The following TMEM132D variants were observed in gnomAD, a reference collection of about 807,000 sequenced individuals.
TMEM132D encodes transmembrane protein 132D.
TMEM132D carries 21 observed loss-of-function variants against 62.3 expected under a neutral mutation model. The observed-to-expected ratio is 0.34, with a 90% CI of 0.24 to 0.49. The LOEUF is 0.49. Among genes scored for constraint, TMEM132D ranks in the 20% least tolerant of loss-of-function variants. The probability of loss-of-function intolerance (pLI) is 0.99; values close to 1 mark genes in which losing one functional copy is unlikely to be tolerated. For synonymous variants in TMEM132D, 621 were observed against 575.6 expected (o/e 1.08, Z -1.13); for missense variants, 1,346 against 1,402.8 (o/e 0.96, Z 0.65).
At chr12:129,546,600 G>T (rs1475355176) in intron 2 of TMEM132D, among the ~76,000 whole-genome samples, 1 of 152,020 alleles carries the variant, frequency 6.6e-6, no homozygotes, top group Non-Finnish European at 1.5e-5. Context: ...AGGAGTTCGA[G>T]ACCAGCCTGA....
intron 2 of TMEM132D, among the ~76,000 whole-genome samples, chr12:129,562,537 C>T (rs1877264380): frequency 1.3e-5 from 2 of 152,194 alleles, no homozygotes; most frequent in African/African-American, 4.8e-5. Context: ...TATCTGTACT[C>T]TTACAGAAGG....
chr12:129,213,649 T>C (rs879127484), intron 4 of TMEM132D, among the ~76,000 whole-genome samples: 2 of 152,192 alleles, frequency 1.3e-5, no homozygotes, highest in African/African-American at 4.8e-5. Context: ...GGAGCAGGCA[T>C]GTGCAGAGAT....
intron 5 of TMEM132D, among the ~76,000 whole-genome samples, chr12:129,190,090 C>T (rs1305827259): frequency 1.8e-5 from 2 of 110,492 alleles, no homozygotes; most frequent in African/African-American, 6.4e-5. Context: ...GGAAGGGAGT[C>T]TCAGGCTTGC....
intron 4 of TMEM132D, among the ~76,000 whole-genome samples, chr12:129,305,551 A>G (rs919397110): frequency 2.0e-5 from 3 of 152,244 alleles, no homozygotes; most frequent in Non-Finnish European, 2.9e-5. Flanking sequence ...CCTGTTATAA[A>G]GCCATCCAAA....
intron 2 of TMEM132D, among the ~76,000 whole-genome samples, chr12:129,681,131 G>T (rs1327847575): frequency 2.0e-5 from 3 of 152,182 alleles, no homozygotes; most frequent in Non-Finnish European, 4.4e-5. Context: ...GTAGAAAATA[G>T]ATTGAAGACA....
At chr12:129,158,916 G>A (rs796651898) in intron 5 of TMEM132D, among the ~76,000 whole-genome samples, 43 of 152,284 alleles carry the variant, frequency 2.8e-4, no homozygotes, top group African/African-American at 9.9e-4. Flanking sequence ...TCACAAGGTG[G>A]CAGGAGAGAG....
intron 1 of TMEM132D, among the ~76,000 whole-genome samples, chr12:129,733,380 A>T (rs1231691454): frequency 6.6e-6 from 1 of 152,134 alleles, no homozygotes; most frequent in African/African-American, 2.4e-5. Flanking sequence ...TAGTTTTCAG[A>T]GCCTGATCGC....
chr12:129,399,022 T>C (rs1048620025), intron 3 of TMEM132D, among the ~76,000 whole-genome samples: 4 of 152,162 alleles, frequency 2.6e-5, no homozygotes, highest in Non-Finnish European at 4.4e-5. Flanking sequence ...GGGACCTTCT[T>C]GCTGCATCAT....
At chr12:129,159,431 C>G (rs1270312468) in intron 5 of TMEM132D, among the ~76,000 whole-genome samples, 1 of 151,958 alleles carries the variant, frequency 6.6e-6, no homozygotes, top group Non-Finnish European at 1.5e-5. Context: ...AAGAAACACA[C>G]GAAGAGAGAT....
At chr12:129,612,343 G>A (rs1167443279) in intron 2 of TMEM132D, among the ~76,000 whole-genome samples, 1 of 152,130 alleles carries the variant, frequency 6.6e-6, no homozygotes, top group Non-Finnish European at 1.5e-5. Flanking sequence ...GGGTGTAGAG[G>A]AAGAAGGAAC....
At chr12:129,336,130 C>A (rs1460683239) in intron 4 of TMEM132D, among the ~76,000 whole-genome samples, 3 of 152,216 alleles carry the variant, frequency 2.0e-5, no homozygotes, top group Admixed American at 2.0e-4. Context: ...AAGAAGAAAT[C>A]TGTACTTAAC....
chr12:129,420,237 C>A (rs1249458562), intron 3 of TMEM132D, among the ~76,000 whole-genome samples: 2 of 150,378 alleles, frequency 1.3e-5, no homozygotes, highest in Non-Finnish European at 2.9e-5. Flanking sequence ...GACACTGTAC[C>A]GTGTTTCATA....
At chr12:129,393,895 A>G (rs1871353228) in intron 3 of TMEM132D, among the ~76,000 whole-genome samples, 2 of 152,268 alleles carry the variant, frequency 1.3e-5, no homozygotes, top group Non-Finnish European at 2.9e-5. Context: ...AAACATAAAC[A>G]TCCCCCCAGA....
intron 3 of TMEM132D, among the ~76,000 whole-genome samples, chr12:129,467,811 C>T (rs920575112): frequency 6.6e-6 from 1 of 152,150 alleles, no homozygotes; most frequent in South Asian, 2.1e-4. Context: ...GCCCTGATTG[C>T]TAGGCAGCAG....
chr12:129,569,202 A>G (rs113808844), intron 2 of TMEM132D, among the ~76,000 whole-genome samples: 223 of 152,346 alleles, frequency 1.5e-3, no homozygotes, highest in African/African-American at 4.9e-3. Context: ...CTGATCAATG[A>G]GATCTCAAAT....
chr12:129,693,257 G>A (rs1451413190), intron 2 of TMEM132D, among the ~76,000 whole-genome samples: 1 of 152,054 alleles, frequency 6.6e-6, no homozygotes, highest in Non-Finnish European at 1.5e-5. Context: ...TAGCCAGAGT[G>A]GGAAAATTTG....
rs547122236 is a variant in TMEM132D at position 129,664,161 on chromosome 12, G to A, written c.968+35649C>T. Among the ~76,000 whole-genome samples the A allele has an allele frequency of 7.1e-4, 108 of 152,262 alleles. 1 individual carries two copies. The highest frequency in any genetic ancestry group is 2.6e-3 in the African/African-American group (106 of 41,558). ...GGAGACTGTAATTAGATGTATCAAC[G>A]ACTCACTAGAGCAATCTTCAAAAAA... On this transcript the variant is annotated intron_variant, in intron 2 of 8. Coordinates refer to ENST00000422113, the MANE Select transcript of TMEM132D (RefSeq NM_133448.3).
At chr12:129,304,737 C>A (rs527875283) in intron 4 of TMEM132D, among the ~76,000 whole-genome samples, 4 of 143,908 alleles carry the variant, frequency 2.8e-5, no homozygotes, top group Admixed American at 7.3e-5. Flanking sequence ...AATCTCAGCT[C>A]ACTGAAATCT....
chr12:129,093,021 A>G (rs1874981910), intron 5 of TMEM132D, among the ~76,000 whole-genome samples: 1 of 152,214 alleles, frequency 6.6e-6, no homozygotes, highest in South Asian at 2.1e-4. Context: ...CTGTCAAGAG[A>G]TAAGCAAGTT....
Sources: gnomAD v4.1 joint callset for allele counts (sites outside exome capture counted in the v4.1 genomes callset) on GRCh38, gnomAD v4.1.1 for gene constraint, MANE v1.5 for transcripts, NCBI Gene and HGNC (gene_info 2026-07-23, HGNC 2026-07-21) for gene names.